WDR48: variants seen among roughly 807,000 people sequenced by gnomAD.
The protein encoded by WDR48 is WD repeat-containing protein 48.
A neutral mutation model predicts 94.0 loss-of-function variants in WDR48; 22 were observed. The observed-to-expected ratio is 0.23, with a 90% CI of 0.17 to 0.33. The LOEUF is 0.33. Ranked by LOEUF, WDR48 falls within the 10% of genes least tolerant of loss-of-function variation. WDR48 has a pLI of 1.00. For missense variants in WDR48, 541 were observed against 813.8 expected, an observed-to-expected ratio of 0.66 and a Z score of 4.08; for synonymous variants, 278 against 280.5, an observed-to-expected ratio of 0.99 and a Z score of 0.09.
chr3:39,052,085 C>G lies in WDR48; in HGVS notation c.48+12C>G, dbSNP rs200324354. The G allele has an allele frequency of 5.6e-6, 9 of 1,613,282 alleles. No individual in the cohort carries two copies. The East Asian group carries it at 2.0e-4, about 36-fold the overall frequency. ...GGAGGAAAGTGCAGGTATGGAAGCC[C>G]GGTTCCTCGGTCTTCCGGACGCGGC... On this transcript the variant is annotated intron_variant, in intron 1 of 18. Coordinates refer to ENST00000302313, the MANE Select transcript of WDR48 (RefSeq NM_020839.4).
At chr3:39,077,032 TCAC>T in intron 8 of WDR48, 104 bp from the exon 9 acceptor site, 1 of 1,246,898 alleles carries the variant, frequency 8.0e-7, no homozygotes, top group South Asian at 1.3e-5. Flanking sequence ...CCAGGTATAG[TCAC>T]CACAATTGTT....
chr3:39,063,969 A>G (rs574688918), intron 2 of WDR48, among the ~76,000 whole-genome samples: 2 of 152,084 alleles, frequency 1.3e-5, no homozygotes, highest in Non-Finnish European at 2.9e-5. Context: ...AAATAAAGAT[A>G]ATATAAAATT....
intron 1 of WDR48, among the ~76,000 whole-genome samples, chr3:39,062,811 A>C (rs1419905414): frequency 6.6e-6 from 1 of 152,218 alleles, no homozygotes; most frequent in African/African-American, 2.4e-5. Flanking sequence ...AAAGGAGTCC[A>C]GTCAGGAAGC....
chr3:39,093,780 A>G, intron 17 of WDR48, 94 bp from the exon 18 acceptor site: 2 of 1,283,380 alleles, frequency 1.6e-6, no homozygotes, highest in Non-Finnish European at 2.0e-6. Context: ...TTTATTTTTC[A>G]TCTTTAAAAT....
chr3:39,060,662 A>C (rs1206058206), intron 1 of WDR48, among the ~76,000 whole-genome samples: 5 of 152,308 alleles, frequency 3.3e-5, no homozygotes, highest in African/African-American at 1.2e-4. Flanking sequence ...GACTATGTAA[A>C]TATTCACCTG....
chr3:39,073,054 A>C (rs1179295000), intron 7 of WDR48, among the ~76,000 whole-genome samples: 2 of 152,088 alleles, frequency 1.3e-5, no homozygotes, highest in Admixed American at 1.3e-4. Context: ...TCTAACCATC[A>C]TATCTTACTT....
intron 15 of WDR48, 149 bp downstream of exon 15, chr3:39,088,382 ATAGTGAAATGTC>A: frequency 1.4e-6 from 1 of 727,112 alleles, no homozygotes; most frequent in Non-Finnish European, 2.2e-6. Flanking sequence ...TGTCCATGAG[ATAGTGAAATGTC>A]TGCTGCTGTT....
chr3:39,066,206 T>C (rs2033596262), intron 3 of WDR48, among the ~76,000 whole-genome samples: 1 of 152,228 alleles, frequency 6.6e-6, no homozygotes. Context: ...TTAGCCTTAT[T>C]AATACCTCTT....
intron 17 of WDR48, among the ~76,000 whole-genome samples, chr3:39,092,976 G>C (rs908917194): frequency 1.3e-5 from 2 of 151,996 alleles, no homozygotes. Context: ...ATGATTTTCA[G>C]AGCGTAGGCC....
chr3:39,057,964 G>T (rs2033005442), intron 1 of WDR48, among the ~76,000 whole-genome samples: 1 of 151,510 alleles, frequency 6.6e-6, no homozygotes, highest in Non-Finnish European at 1.5e-5. Flanking sequence ...TTGTGTATTT[G>T]TTCTGAAATA....
At chr3:39,085,166 G>T (rs972964189) in intron 13 of WDR48, among the ~76,000 whole-genome samples, 70 of 152,080 alleles carry the variant, frequency 4.6e-4, no homozygotes, top group African/African-American at 1.5e-3. Context: ...GGCGGAGCTT[G>T]CAGTGAGCCG....
At chr3:39,067,786 A>C (rs2125649577) in intron 5 of WDR48, among the ~76,000 whole-genome samples, 1 of 152,290 alleles carries the variant, frequency 6.6e-6, no homozygotes. Flanking sequence ...TTGTGTTTAT[A>C]ATCTCTTGAT....
chr3:39,079,208 C>A (rs1423132354), intron 10 of WDR48, among the ~76,000 whole-genome samples: 2 of 152,180 alleles, frequency 1.3e-5, no homozygotes, highest in Non-Finnish European at 2.9e-5. Flanking sequence ...TCAAATTCTA[C>A]ATGCTGCTGC....
chr3:39,070,164 CATA>C (rs1359177587), intron 7 of WDR48, among the ~76,000 whole-genome samples: 2 of 152,202 alleles, frequency 1.3e-5, no homozygotes, highest in African/African-American at 2.4e-5. Context: ...AGTTTTCTAA[CATA>C]ATGCTCAGAG....
intron 1 of WDR48, among the ~76,000 whole-genome samples, 184 bp from the exon 2 acceptor site, chr3:39,062,866 A>C (rs1370782193): frequency 6.6e-6 from 1 of 152,252 alleles, no homozygotes; most frequent in African/African-American, 2.4e-5. Flanking sequence ...CTAGGCTATC[A>C]TTGATACCAT....
intron 11 of WDR48, among the ~76,000 whole-genome samples, chr3:39,082,526 C>G (rs370046614): frequency 1.3e-5 from 2 of 152,046 alleles, no homozygotes; most frequent in Non-Finnish European, 2.9e-5. Flanking sequence ...ATGATCTGCC[C>G]GTCTTGGCCT....
At chr3:39,090,108 A>G (rs1286425934) in intron 16 of WDR48, 2 of 152,242 alleles carry the variant, frequency 1.3e-5, no homozygotes, top group Non-Finnish European at 2.9e-5. Flanking sequence ...TCTCACCAAC[A>G]GTGTATGAGT....
intron 9 of WDR48, among the ~76,000 whole-genome samples, chr3:39,077,670 A>G (rs1469740280): frequency 6.6e-6 from 1 of 152,246 alleles, no homozygotes; most frequent in Non-Finnish European, 1.5e-5. Context: ...GAGATAGAGG[A>G]TAAACAGAAG....
chr3:39,080,119 G>A (rs538466965), intron 11 of WDR48, among the ~76,000 whole-genome samples: 4 of 152,082 alleles, frequency 2.6e-5, no homozygotes, highest in African/African-American at 9.6e-5. Context: ...AGGTGGAGGA[G>A]GGGGCAGGTA....
Sources: allele counts gnomAD v4.1 joint callset (sites outside exome capture counted in the v4.1 genomes callset), GRCh38; gene constraint gnomAD v4.1.1; transcripts MANE v1.5; gene names NCBI Gene and HGNC (gene_info 2026-07-23, HGNC 2026-07-21).